The following ZNF704 variants were observed in gnomAD, a reference collection of about 807,000 sequenced individuals.
The protein encoded by ZNF704 is glucocorticoid induced gene 1.
ZNF704 carries 10 observed loss-of-function variants against 44.7 expected under a neutral mutation model. The ratio of observed to expected loss-of-function variants is 0.22; its 90% CI spans 0.14 to 0.38. The LOEUF (loss-of-function observed/expected upper bound fraction) is 0.38. Ranked by LOEUF, ZNF704 falls within the 10% of genes least tolerant of loss-of-function variation. The pLI, the probability that ZNF704 is intolerant of heterozygous loss-of-function variation, is 1.00. For synonymous variants in ZNF704, 211 were observed against 207.6 expected (o/e 1.02, Z -0.14); for missense variants, 390 against 545.5 (o/e 0.71, Z 2.84).
In ZNF704 at chr8:80,632,277, A is replaced by G. The variant is rs780584470; in HGVS notation, c.*9089T>C. ...CAGTTTCAAGGGATTCTCCTGCCTC[A>G]GCCTCTCAAGTAGCTGGAATTACAG... On this transcript the variant is annotated 3_prime_UTR_variant, in exon 9 of 9. Transcript: ENST00000327835. The G allele has an allele frequency of 1.3e-5, 2 of 152,194 alleles. No individual in the cohort carries two copies. Among genetic ancestry groups the G allele is most frequent in the Non-Finnish European group, 2.9e-5 (2 of 68,046 alleles). 9.4% of individuals were successfully genotyped at this position (152,194 alleles called of 1,614,324 possible).
intron 2 of ZNF704, among the ~76,000 whole-genome samples, chr8:80,761,753 G>A (rs944010209): frequency 6.6e-6 from 1 of 152,134 alleles, no homozygotes; most frequent in Admixed American, 6.5e-5. Context: ...TGGTCACATG[G>A]GTGTAAAAGT....
chr8:80,811,161 C>T (rs183318012), intron 2 of ZNF704, among the ~76,000 whole-genome samples: 1 of 152,080 alleles, frequency 6.6e-6, no homozygotes, highest in East Asian at 1.9e-4. Flanking sequence ...TGTGCCTTGT[C>T]CAAACTGAGA....
chr8:80,882,850 T>A, the ZNF704 span, among the ~76,000 whole-genome samples: 6 of 152,132 alleles, frequency 3.9e-5, no homozygotes, highest in Non-Finnish European at 8.8e-5. Context: ...GTTTGCAGAT[T>A]TGATTCTCAT....
chr8:80,655,866 C>G (rs1390971304), intron 7 of ZNF704, among the ~76,000 whole-genome samples: 1 of 152,212 alleles, frequency 6.6e-6, no homozygotes, highest in Admixed American at 6.5e-5. Context: ...ATAAGCACTG[C>G]TATTTCAGCT....
chr8:80,658,382 C>T (rs1469867191), intron 7 of ZNF704, among the ~76,000 whole-genome samples: 1 of 142,778 alleles, frequency 7.0e-6, no homozygotes, highest in Non-Finnish European at 1.5e-5. Flanking sequence ...TTTATGTCTA[C>T]CAAAAAAAAA....
chr8:80,671,144 T>TC (rs1382464707), intron 4 of ZNF704, among the ~76,000 whole-genome samples: 1 of 152,140 alleles, frequency 6.6e-6, no homozygotes, highest in Non-Finnish European at 1.5e-5. Flanking sequence ...TCCTTTTTTT[T>TC]CAGAGATGGG....
intron 1 of ZNF704, among the ~76,000 whole-genome samples, chr8:80,869,632 T>A (rs531274680): frequency 6.6e-6 from 1 of 152,326 alleles, no homozygotes; most frequent in South Asian, 2.1e-4. Context: ...TTTCTCTACA[T>A]CTTTGGTTCC....
At chr8:80,672,461 T>G (rs984295388) in intron 4 of ZNF704, among the ~76,000 whole-genome samples, 1 of 152,150 alleles carries the variant, frequency 6.6e-6, no homozygotes, top group Non-Finnish European at 1.5e-5. Context: ...AAAAGACCCA[T>G]GTACTTGTAT....
chr8:80,806,517 T>C (rs1807992949), intron 2 of ZNF704, among the ~76,000 whole-genome samples: 2 of 152,202 alleles, frequency 1.3e-5, no homozygotes, highest in Non-Finnish European at 2.9e-5. Context: ...TTCATGTAAT[T>C]ATATTACTCA....
chr8:80,855,302 T>C (rs955069913), intron 1 of ZNF704, among the ~76,000 whole-genome samples: 9 of 150,588 alleles, frequency 6.0e-5, no homozygotes, highest in African/African-American at 2.2e-4. Context: ...AGTGTAATTA[T>C]CAATTTCTTT....
At chr8:80,870,452 CTT>C (rs1809232549) in intron 1 of ZNF704, among the ~76,000 whole-genome samples, 1 of 152,218 alleles carries the variant, frequency 6.6e-6, no homozygotes, top group Admixed American at 6.5e-5. Context: ...TCAAACTTCT[CTT>C]GTCAAGGACA....
intron 2 of ZNF704, among the ~76,000 whole-genome samples, chr8:80,796,205 G>A (rs1197648715): frequency 6.6e-6 from 1 of 152,176 alleles, no homozygotes; most frequent in African/African-American, 2.4e-5. Flanking sequence ...AGCCACATCT[G>A]GTGACAGCCT....
intron 2 of ZNF704, among the ~76,000 whole-genome samples, chr8:80,813,290 A>T (rs1454843019): frequency 6.6e-6 from 1 of 152,224 alleles, no homozygotes; most frequent in Admixed American, 6.5e-5. Context: ...CAGAGAGCAT[A>T]ACCTTCATTA....
At chr8:80,669,519 G>C (rs141786368) in intron 5 of ZNF704, among the ~76,000 whole-genome samples, 10 of 152,238 alleles carry the variant, frequency 6.6e-5, no homozygotes, top group African/African-American at 1.9e-4. Context: ...TCTCTCCATG[G>C]TCACTATGGA....
intron 1 of ZNF704, among the ~76,000 whole-genome samples, chr8:80,872,913 T>C (rs1183339962): frequency 6.6e-6 from 1 of 151,738 alleles, no homozygotes; most frequent in Non-Finnish European, 1.5e-5. Flanking sequence ...TGATGTCGAG[T>C]GGAAACACGG....
intron 2 of ZNF704, among the ~76,000 whole-genome samples, chr8:80,804,048 C>T (rs2129806637): frequency 6.6e-6 from 1 of 152,234 alleles, no homozygotes; most frequent in Non-Finnish European, 1.5e-5. Context: ...CAAAAGAAGA[C>T]ATCCATGTGG....
chr8:80,753,062 C>T (rs1806975161), intron 2 of ZNF704, among the ~76,000 whole-genome samples: 7 of 152,150 alleles, frequency 4.6e-5, no homozygotes, highest in Admixed American at 3.9e-4. Flanking sequence ...CTTTTATAAA[C>T]AATCTGTGTT....
intron 2 of ZNF704, among the ~76,000 whole-genome samples, chr8:80,800,115 A>C (rs948409124): frequency 6.6e-6 from 1 of 152,224 alleles, no homozygotes; most frequent in African/African-American, 2.4e-5. Context: ...AGACAAGAAC[A>C]GAGAAAAAAT....
chr8:80,741,710 T>A (rs959564875), intron 2 of ZNF704, among the ~76,000 whole-genome samples: 1 of 152,178 alleles, frequency 6.6e-6, no homozygotes, highest in Admixed American at 6.5e-5. Flanking sequence ...AGAACATAAC[T>A]GTCAACAGGT....
Sources: allele counts gnomAD v4.1 joint callset (sites outside exome capture counted in the v4.1 genomes callset), GRCh38; gene constraint gnomAD v4.1.1; transcripts MANE v1.5; gene names NCBI Gene and HGNC (gene_info 2026-07-23, HGNC 2026-07-21).